The following ATP8A2 variants were observed in gnomAD, a reference collection of about 807,000 sequenced individuals.
The protein encoded by ATP8A2 is ATPase phospholipid transporting 8A2.
ATP8A2 carries 100 observed loss-of-function variants against 165.6 expected under a neutral mutation model. The observed-to-expected ratio is 0.60, with a 90% CI of 0.51 to 0.71. The LOEUF is 0.71. ATP8A2 is among the 30% of genes least tolerant of loss of function. The pLI is 0.00. For missense variants in ATP8A2, 1,227 were observed against 1,479.5 expected, an observed-to-expected ratio of 0.83 and a Z score of 2.80; for synonymous variants, 543 against 548.8, an observed-to-expected ratio of 0.99 and a Z score of 0.15.
At chr13:25,691,601 A>G (rs2042727168) in intron 24 of ATP8A2, among the ~76,000 whole-genome samples, 1 of 152,198 alleles carries the variant, frequency 6.6e-6, no homozygotes, top group South Asian at 2.1e-4. Context: ...GAAGCCAAAC[A>G]TCTCTTGAAA....
chr13:25,888,180 G>A (rs377215224), intron 33 of ATP8A2, among the ~76,000 whole-genome samples: 6 of 149,474 alleles, frequency 4.0e-5, no homozygotes, highest in African/African-American at 4.9e-5. Flanking sequence ...GTTCATGATC[G>A]CTCTGTAAGG....
In ATP8A2 at chr13:25,372,105, G is replaced by GAC; in HGVS notation, c.-108_-107insAC. ...GGCGGTCCCCGCCAGCTAGCAGCCC[G>GAC]GCGAGGCGCTGGCCCACCCATGGTC... On this transcript the variant is annotated 5_prime_UTR_variant, in exon 1 of 37. Coordinates refer to ENST00000381655, the MANE Select transcript of ATP8A2 (RefSeq NM_016529.6). The surrounding 1 kb of genome is among the most constrained non-coding windows in gnomAD (Gnocchi z 4.8). The GAC allele has an allele frequency of 1.3e-6, 1 of 746,872 alleles. No individual in the cohort carries two copies. Among genetic ancestry groups the GAC allele is most frequent in the African/African-American group, 1.9e-5 (1 of 53,830 alleles). 46.3% of individuals were successfully genotyped at this position (746,872 alleles called of 1,614,324 possible).
At chr13:25,561,121 G>A (rs953598934) in intron 15 of ATP8A2, among the ~76,000 whole-genome samples, 1 of 152,032 alleles carries the variant, frequency 6.6e-6, no homozygotes, top group African/African-American at 2.4e-5. Flanking sequence ...TCCTGACCTC[G>A]TGATCTGCCT....
intron 27 of ATP8A2, among the ~76,000 whole-genome samples, chr13:25,784,782 T>A (rs2044981087): frequency 6.6e-6 from 1 of 152,140 alleles, no homozygotes; most frequent in South Asian, 2.1e-4. Flanking sequence ...TTTCTTTTGT[T>A]TGAGAAGGAG....
chr13:25,980,778 G>A (rs1956158313), intron 35 of ATP8A2, among the ~76,000 whole-genome samples: 1 of 152,202 alleles, frequency 6.6e-6, no homozygotes, highest in African/African-American at 2.4e-5. Flanking sequence ...GGCTGAGGCA[G>A]GAGGATCACC....
At chr13:25,551,988 TTTG>T (rs769081535) in intron 11 of ATP8A2, among the ~76,000 whole-genome samples, 3 of 152,190 alleles carry the variant, frequency 2.0e-5, no homozygotes, top group East Asian at 1.9e-4. Context: ...GATAGTGTTT[TTTG>T]TTGTTGTTGT....
chr13:25,481,189 G>C (rs73170533), intron 2 of ATP8A2, among the ~76,000 whole-genome samples: 2,658 of 145,912 alleles, frequency 0.018, 53 homozygotes, highest in Middle Eastern at 0.031. Flanking sequence ...GAGAGGGAGA[G>C]GGACAGGGAG....
chr13:25,917,563 T>A (rs973946827), intron 33 of ATP8A2, among the ~76,000 whole-genome samples: 1 of 152,240 alleles, frequency 6.6e-6, no homozygotes, highest in Non-Finnish European at 1.5e-5. Context: ...AAAGCTAGGC[T>A]ATAGTCTTGG....
chr13:25,887,467 T>C (rs1953193907), intron 33 of ATP8A2, among the ~76,000 whole-genome samples: 1 of 152,152 alleles, frequency 6.6e-6, no homozygotes. Context: ...GCCTCTCAAG[T>C]AGCTGGGATT....
At chr13:25,549,031 C>T (rs2038736916) in intron 10 of ATP8A2, among the ~76,000 whole-genome samples, 1 of 152,162 alleles carries the variant, frequency 6.6e-6, no homozygotes, top group Non-Finnish European at 1.5e-5. Context: ...CATCCTAGCT[C>T]TTTTAATGAT....
chr13:25,543,762 T>C (rs995337114), intron 10 of ATP8A2, among the ~76,000 whole-genome samples: 11 of 152,232 alleles, frequency 7.2e-5, no homozygotes, highest in African/African-American at 2.7e-4. Flanking sequence ...AATTGCCTTA[T>C]TTAACTGAAC....
chr13:25,599,025 C>A (rs2040310696), intron 24 of ATP8A2, among the ~76,000 whole-genome samples: 2 of 149,274 alleles, frequency 1.3e-5, no homozygotes, highest in Non-Finnish European at 3.0e-5. Context: ...CATGCATGAG[C>A]CCTGGGAATT....
At chr13:25,677,046 G>T (rs2042387296) in intron 24 of ATP8A2, among the ~76,000 whole-genome samples, 1 of 152,000 alleles carries the variant, frequency 6.6e-6, no homozygotes, top group South Asian at 2.1e-4. Flanking sequence ...TCATTGCCTG[G>T]GACAGGATTC....
At position 25,750,801 on chromosome 13, in the gene ATP8A2, GA is replaced by G. The variant is rs113645249; in HGVS notation, c.2385-18235del. On this transcript the variant is annotated intron_variant, in intron 25 of 36. Transcript: ENST00000381655. The surrounding 1 kb of genome is among the most constrained non-coding windows in gnomAD (Gnocchi z 4.3). ...TTCTGTTTTGAAAGAGTTGCTTGGGGAAAAAAAAAAGGAATCTTTTTGGAAT... is the reference window on the plus strand; with the variant it reads ...TTCTGTTTTGAAAGAGTTGCTTGGGGAAAAAAAAAGGAATCTTTTTGGAAT... Among the ~76,000 whole-genome samples, 226 of 147,662 alleles carry G rather than the reference GA, an allele frequency of 1.5e-3. No individual in the cohort carries two copies. The highest frequency in any genetic ancestry group is 7.1e-3 in the Middle Eastern group (2 of 282).
chr13:25,513,309 C>T (rs1321145052), intron 2 of ATP8A2, among the ~76,000 whole-genome samples: 1 of 152,082 alleles, frequency 6.6e-6, no homozygotes, highest in Non-Finnish European at 1.5e-5. Context: ...GTGCTCCTCA[C>T]ATCCCAGACG....
At chr13:25,981,656 T>A (rs1335112252) in intron 35 of ATP8A2, among the ~76,000 whole-genome samples, 1 of 152,186 alleles carries the variant, frequency 6.6e-6, no homozygotes, top group Non-Finnish European at 1.5e-5. Flanking sequence ...TAAATATTTT[T>A]TAAAAATATT....
chr13:25,558,440 G>C (rs1295303431), intron 13 of ATP8A2, among the ~76,000 whole-genome samples: 1 of 152,150 alleles, frequency 6.6e-6, no homozygotes, highest in Non-Finnish European at 1.5e-5. Flanking sequence ...CCCAGTGTAT[G>C]TTTATATTGT....
rs187522799 is a variant in ATP8A2, at chr13:25,902,069, A to T, written c.3183+39661A>T. On this transcript the variant is annotated intron_variant, in intron 33 of 36. Coordinates refer to ENST00000381655, the MANE Select transcript of ATP8A2 (RefSeq NM_016529.6). ...AGTTATAGAAAAGGATAACAAAAAA[A>T]TTTTTTGGCAATCTAGTGGAATAGG... Among the ~76,000 whole-genome samples the T allele has an allele frequency of 4.1e-3, 621 of 152,310 alleles. 3 individuals are homozygous for T. Among genetic ancestry groups the T allele is most frequent in the Non-Finnish European group, 6.0e-3 (409 of 68,028 alleles).
At chr13:25,514,333 T>G (rs2037396057) in intron 2 of ATP8A2, among the ~76,000 whole-genome samples, 1 of 152,214 alleles carries the variant, frequency 6.6e-6, no homozygotes. Flanking sequence ...GCTGTACTGT[T>G]TCCTCAGGTC....
Sources: gnomAD v4.1 joint callset for allele counts (sites outside exome capture counted in the v4.1 genomes callset) on GRCh38, gnomAD v4.1.1 for gene constraint, Gnocchi (gnomAD v3.1) non-coding constraint, MANE v1.5 for transcripts, NCBI Gene and HGNC (gene_info 2026-07-23, HGNC 2026-07-21) for gene names.